The following PTPRJ variants were observed in gnomAD, a reference collection of about 807,000 sequenced individuals.
PTPRJ encodes the protein receptor-type tyrosine-protein phosphatase eta.
A neutral mutation model predicts 141.3 loss-of-function variants in PTPRJ; 129 were observed. The observed-to-expected ratio is 0.91, with a 90% CI of 0.79 to 1.06. The LOEUF (loss-of-function observed/expected upper bound fraction) is 1.06, where lower values mean the gene tolerates loss of function less well. Ranked by LOEUF, PTPRJ falls within the 50% of genes least tolerant of loss-of-function variation. The probability of loss-of-function intolerance (pLI) is 0.00; values close to 1 mark genes in which losing one functional copy is unlikely to be tolerated. For missense variants in PTPRJ, 1,601 were observed against 1,679.7 expected, an observed-to-expected ratio of 0.95 and a Z score of 0.82; for synonymous variants, 610 against 640.5, an observed-to-expected ratio of 0.95 and a Z score of 0.72.
intron 24 of PTPRJ, among the ~76,000 whole-genome samples, chr11:48,165,270 A>T (rs959985633): frequency 6.6e-6 from 1 of 152,248 alleles, no homozygotes; most frequent in African/African-American, 2.4e-5. Flanking sequence ...AAATGTTAAT[A>T]CAGCAATTTA....
intron 1 of PTPRJ, among the ~76,000 whole-genome samples, chr11:48,000,748 C>T (rs1854474481): frequency 6.6e-6 from 1 of 152,182 alleles, no homozygotes; most frequent in Non-Finnish European, 1.5e-5. Context: ...ATCCCATCAT[C>T]CTCCTTCATT....
rs10599361 is a variant in PTPRJ, at chr11:48,126,775, A to AACACAC, written c.1094-965_1094-960dup. On this transcript the variant is annotated intron_variant, in intron 6 of 24. Coordinates refer to ENST00000418331, the MANE Select transcript of PTPRJ (RefSeq NM_002843.4). ...GGGACAGAAACATTCAGTCTGTTGCAACACACACACACACACACACACACA... is the reference window on the plus strand; with the variant it reads ...GGGACAGAAACATTCAGTCTGTTGCAACACACACACACACACACACACACACACACA... 3.3e-3 allele frequency among the ~76,000 whole-genome samples: 450 copies of AACACAC among 137,234 alleles called. 1 individual carries two copies. The highest frequency in any genetic ancestry group is 0.015 in the Middle Eastern group (4 of 268). 90.0% of individuals were successfully genotyped at this position (137,234 alleles called of 152,430 possible).
At chr11:48,087,899 G>A (rs1185377927) in intron 1 of PTPRJ, among the ~76,000 whole-genome samples, 2 of 152,220 alleles carry the variant, frequency 1.3e-5, no homozygotes. Context: ...AGGTCAGTGA[G>A]CAGCATCAGC....
At chr11:48,012,671 G>A (rs1206314171) in intron 1 of PTPRJ, among the ~76,000 whole-genome samples, 1 of 152,122 alleles carries the variant, frequency 6.6e-6, no homozygotes, top group Non-Finnish European at 1.5e-5. Context: ...CCTTGAGAGA[G>A]GTTTCAGAGC....
At chr11:48,120,494 T>C (rs4752900) in intron 3 of PTPRJ, among the ~76,000 whole-genome samples, 107,887 of 151,982 alleles carry the variant, frequency 0.71, 39,837 homozygotes, top group South Asian at 0.83. Flanking sequence ...GGCGCGATCT[T>C]GGCTCACTGC....
intron 1 of PTPRJ, among the ~76,000 whole-genome samples, chr11:48,092,864 C>T (rs74928825): frequency 0.02 from 3,031 of 152,306 alleles, 102 homozygotes; most frequent in African/African-American, 0.069. Flanking sequence ...CATGTCTTGG[C>T]TATTGTGAAT....
At chr11:48,160,438 A>G (rs1857738175) in intron 22 of PTPRJ, among the ~76,000 whole-genome samples, 1 of 152,230 alleles carries the variant, frequency 6.6e-6, no homozygotes, top group Admixed American at 6.5e-5. Flanking sequence ...GGAGTAATTG[A>G]TAACAGTTAC....
chr11:48,002,403 G>T (rs1367812650), intron 1 of PTPRJ, among the ~76,000 whole-genome samples: 1 of 152,038 alleles, frequency 6.6e-6, no homozygotes, highest in African/African-American at 2.4e-5. Context: ...CTCCCAAAAT[G>T]CTGGGATTAC....
chr11:48,012,686 A>T (rs921480987), intron 1 of PTPRJ, among the ~76,000 whole-genome samples: 4 of 152,174 alleles, frequency 2.6e-5, no homozygotes, highest in African/African-American at 9.7e-5. Context: ...CAGAGCTCTC[A>T]TCCATCTTCA....
chr11:47,981,076 C>CCGAG (rs1853890635), intron 1 of PTPRJ, 68 bp downstream of exon 1: 6 of 1,192,534 alleles, frequency 5.0e-6, no homozygotes, highest in Non-Finnish European at 5.2e-6. Flanking sequence ...CTGCACCTGC[C>CCGAG]CGAGCGTACC....
chr11:48,151,085 C>T (rs1178131856), intron 18 of PTPRJ, among the ~76,000 whole-genome samples: 1 of 152,122 alleles, frequency 6.6e-6, no homozygotes, highest in African/African-American at 2.4e-5. Flanking sequence ...TATCCTTTTT[C>T]CTATATTCTA....
intron 1 of PTPRJ, among the ~76,000 whole-genome samples, chr11:48,002,542 A>G (rs976899376): frequency 2.4e-4 from 37 of 152,188 alleles, no homozygotes; most frequent in African/African-American, 8.4e-4. Flanking sequence ...CATTGTGACT[A>G]TGATCAGTAT....
intron 1 of PTPRJ, among the ~76,000 whole-genome samples, chr11:48,079,415 CGTGT>C (rs958660800): frequency 2.0e-5 from 3 of 150,444 alleles, no homozygotes; most frequent in Non-Finnish European, 4.4e-5. Flanking sequence ...TCATGACGCT[CGTGT>C]GTGTGTGTGT....
chr11:48,095,873 G>A (rs545369295), intron 1 of PTPRJ, among the ~76,000 whole-genome samples: 1 of 152,260 alleles, frequency 6.6e-6, no homozygotes, highest in Admixed American at 6.5e-5. Context: ...GAGCCACCAT[G>A]CCCTGCCTCA....
intron 1 of PTPRJ, among the ~76,000 whole-genome samples, chr11:48,061,678 G>A (rs1395558450): frequency 1.3e-5 from 2 of 152,122 alleles, no homozygotes; most frequent in Admixed American, 1.3e-4. Context: ...ACACAGGTGC[G>A]AGTCCCACCC....
At chr11:48,076,080 A>G (rs1425510099) in intron 1 of PTPRJ, among the ~76,000 whole-genome samples, 1 of 152,188 alleles carries the variant, frequency 6.6e-6, no homozygotes, top group Non-Finnish European at 1.5e-5. Flanking sequence ...CTATAGGAAG[A>G]ACATGGTGGC....
intron 8 of PTPRJ, among the ~76,000 whole-genome samples, chr11:48,133,747 A>T (rs1857028959): frequency 6.6e-6 from 1 of 152,238 alleles, no homozygotes; most frequent in South Asian, 2.1e-4. Context: ...AATGTGGTTC[A>T]TCCATACAAC....
intron 1 of PTPRJ, among the ~76,000 whole-genome samples, chr11:48,011,375 C>A (rs922467775): frequency 3.9e-5 from 6 of 152,120 alleles, no homozygotes; most frequent in African/African-American, 1.4e-4. Flanking sequence ...TCTGGACTTA[C>A]CACTTACTAG....
At chr11:47,989,022 T>TA (rs1430327989) in intron 1 of PTPRJ, among the ~76,000 whole-genome samples, 1 of 150,018 alleles carries the variant, frequency 6.7e-6, no homozygotes, top group Non-Finnish European at 1.5e-5. Flanking sequence ...TAGCTGGGAC[T>TA]ACAGGCGCCC....
Sources: allele counts gnomAD v4.1 joint callset (sites outside exome capture counted in the v4.1 genomes callset), GRCh38; gene constraint gnomAD v4.1.1; transcripts MANE v1.5; gene names NCBI Gene and HGNC (gene_info 2026-07-23, HGNC 2026-07-21).